The following APBB3 variants were observed in gnomAD, a reference collection of about 807,000 sequenced individuals.
APBB3 encodes the protein amyloid beta precursor protein binding family B member 3, also known as amyloid-beta A4 precursor protein-binding family B member 3.
Under a neutral mutation model 61.5 loss-of-function variants are expected in APBB3, and 50 were observed. The ratio of observed to expected loss-of-function variants is 0.81; its 90% CI spans 0.65 to 1.03. APBB3 has a LOEUF of 1.03. Among genes scored for constraint, APBB3 ranks in the 50% least tolerant of loss-of-function variants. The pLI is 0.00. For missense variants in APBB3, 550 were observed against 637.4 expected, an observed-to-expected ratio of 0.86 and a Z score of 1.48; for synonymous variants, 235 against 233.0, an observed-to-expected ratio of 1.01 and a Z score of -0.08.
rs368213260 is a variant in APBB3, at chr5:140,564,283, A to ACT, written c.-40_-39dup. 1.2e-6 allele frequency: 2 copies of ACT among 1,602,390 alleles called. No homozygotes were observed. Among genetic ancestry groups the ACT allele is most frequent in the African/African-American group, 2.7e-5 (2 of 74,710 alleles). Reference sequence around the variant, plus strand: ...TCCCCGCCAGCCTCTGCCGGCCCGCACTCTCAGCCCAGCGCGACCTCTGGA... The same window carrying ACT: ...TCCCCGCCAGCCTCTGCCGGCCCGCACTCTCTCAGCCCAGCGCGACCTCTGGA... On this transcript the variant is annotated 5_prime_UTR_variant, in exon 1 of 13. Transcript: ENST00000357560. The surrounding 1 kb of genome is among the most constrained non-coding windows in gnomAD (Gnocchi z 5.0).
At position 140,560,543 on chromosome 5, in the gene APBB3, G is replaced by A. The variant is rs142498279; in HGVS notation, c.1033-39C>T. The A allele has an allele frequency of 1.0e-4, 161 of 1,605,048 alleles. No homozygotes were observed. The highest frequency in any genetic ancestry group is 1.3e-4 in the Non-Finnish European group (155 of 1,173,732). ...GCCTAGTCACTAGAGGGCCAAGCAC[G>A]GGCCAGACCCACTTAACTTTTCCGA... On this transcript the variant is annotated intron_variant, in intron 11 of 12. Transcript: ENST00000357560. This position sits in a 1 kb window ranked among gnomAD's most constrained non-coding sequence, Gnocchi z 5.1.
Position 140,561,061 on chromosome 5 carries a change from G to A in APBB3, c.873C>T (p.Tyr291=), listed in dbSNP as rs202034581. The A allele has an allele frequency of 1.2e-5, 20 of 1,613,900 alleles. No homozygotes were observed. The highest frequency in any genetic ancestry group is 8.0e-5 in the African/African-American group (6 of 75,024). Residue 291 remains tyrosine (Y), a synonymous_variant, in exon 10 of 13, where the codon TAC becomes TAT. Coordinates refer to ENST00000357560, the MANE Select transcript of APBB3 (RefSeq NM_133173.3). ...GCAGTGTCCCCATATACAGTGCCTC[G>A]TACTTCTGAGCAGCTTGGCTTACCG... ...LDAVSQAAQK[Y]EALYMGTLPV... is the part of the protein sequence containing the mutation.
chr5:140,558,394 T>C lies in APBB3; in HGVS notation c.*191A>G, dbSNP rs1290364549. The C allele has an allele frequency of 1.4e-6, 1 of 711,164 alleles. No homozygotes were observed. Among genetic ancestry groups the C allele is most frequent in the Non-Finnish European group, 2.5e-6 (1 of 401,414 alleles). 44.1% of individuals were successfully genotyped at this position (711,164 alleles called of 1,614,324 possible). On this transcript the variant is annotated 3_prime_UTR_variant, in exon 13 of 13. Coordinates refer to ENST00000357560, the MANE Select transcript of APBB3 (RefSeq NM_133173.3). ...CCCAAGGAAAGGGGAGCCAGGGTCC[T>C]ACGTTGTGGTGCAGTGCCTCCCAGT...
At chr5:140,561,238 T>A (rs1754940515) in intron 9 of APBB3, 127 bp downstream of exon 9, 12 of 1,451,796 alleles carry the variant, frequency 8.3e-6, no homozygotes, top group Non-Finnish European at 1.2e-5. Flanking sequence ...AACTAGTGGC[T>A]TGGGATCCCT....
In APBB3 at chr5:140,564,351, C is replaced by CG. The variant is rs1326106992; in HGVS notation, c.-107dup. On this transcript the variant is annotated 5_prime_UTR_variant, in exon 1 of 13. Transcript: ENST00000357560. This position sits in a 1 kb window ranked among gnomAD's most constrained non-coding sequence, Gnocchi z 5.0. ...CCCAGCCTCTCTGCGCCGCAGGCTG[C>CG]GGGGCCAGCTGGCGCCGCACAAATA... 1 of 1,377,942 alleles carries CG rather than the reference C, an allele frequency of 7.3e-7. No homozygotes were observed. Among genetic ancestry groups the CG allele is most frequent in the African/African-American group, 1.4e-5 (1 of 69,596 alleles). 85.4% of individuals were successfully genotyped at this position (1,377,942 alleles called of 1,614,324 possible).
rs370972633 is a variant in APBB3 at position 140,564,143 on chromosome 5, T to C, written c.49+54A>G. On this transcript the variant is annotated intron_variant, in intron 1 of 12. Coordinates refer to ENST00000357560, the MANE Select transcript of APBB3 (RefSeq NM_133173.3). This position sits in a 1 kb window ranked among gnomAD's most constrained non-coding sequence, Gnocchi z 5.0. Reference sequence around the variant, plus strand: ...TTGAGCCCCAGAGTAGCCTTTCGGATTCCCTCGTCCTCCCTCAGCTCCTGG... The same window carrying C: ...TTGAGCCCCAGAGTAGCCTTTCGGACTCCCTCGTCCTCCCTCAGCTCCTGG... 48 of 1,611,686 alleles carry C rather than the reference T, an allele frequency of 3.0e-5. No individual in the cohort carries two copies. The Admixed American group carries it at 5.2e-4, about 17-fold the overall frequency.
rs1240396726 is a variant in APBB3 at position 140,564,269 on chromosome 5, C to T, written c.-24G>A. On this transcript the variant is annotated 5_prime_UTR_variant, in exon 1 of 13. Coordinates refer to ENST00000357560, the MANE Select transcript of APBB3 (RefSeq NM_133173.3). The surrounding 1 kb of genome is among the most constrained non-coding windows in gnomAD (Gnocchi z 5.0). ...ATAACCCCGGCTGCTCCCCGCCAGCCTCTGCCGGCCCGCACTCTCAGCCCA... is the reference window on the plus strand; with the variant it reads ...ATAACCCCGGCTGCTCCCCGCCAGCTTCTGCCGGCCCGCACTCTCAGCCCA... 12 of 1,605,946 alleles carry T rather than the reference C, an allele frequency of 7.5e-6. No individual in the cohort carries two copies. Among genetic ancestry groups the T allele is most frequent in the African/African-American group, 2.7e-5 (2 of 74,942 alleles).
chr5:140,563,390 T>A (rs1424595618), intron 3 of APBB3: 2 of 651,776 alleles, frequency 3.1e-6, no homozygotes, highest in South Asian at 3.5e-5. Flanking sequence ...ATGAAAAACA[T>A]GTAGCTACAA....
At position 140,561,843 on chromosome 5, in the gene APBB3, C is replaced by A. The variant is rs770870465; in HGVS notation, c.632+1G>T. 1.2e-6 allele frequency: 2 copies of A among 1,613,720 alleles called. No homozygotes were observed. The highest frequency in any genetic ancestry group is 1.7e-6 in the Non-Finnish European group (2 of 1,179,990). On this transcript the variant is annotated splice_donor_variant, in intron 7 of 12. Coordinates refer to ENST00000357560, the MANE Select transcript of APBB3 (RefSeq NM_133173.3). LOFTEE classifies it high-confidence loss of function. ...GCTCAGGATACCTGGTTTTCACTCA[C>A]CTGTCACTGTTCCGGAAGCATGTGG...
chr5:140,562,976 G>T (rs971948596), intron 3 of APBB3: 2 of 499,608 alleles, frequency 4.0e-6, no homozygotes, highest in African/African-American at 3.9e-5. Context: ...AGGTGCAGTG[G>T]TGGCTCACGC....
chr5:140,564,555 C>T lies in APBB3; in HGVS notation c.-310G>A. On this transcript the variant is annotated 5_prime_UTR_variant, in exon 1 of 13. It removes the in-frame stop codon of an upstream open reading frame in the 5' UTR. Coordinates refer to ENST00000357560, the MANE Select transcript of APBB3 (RefSeq NM_133173.3). This position sits in a 1 kb window ranked among gnomAD's most constrained non-coding sequence, Gnocchi z 5.0. ...CGAAACCGCTGACACCACCGCCCAA[C>T]TATGAACTCATCAGGCGCCTGAAGA... 1.8e-6 allele frequency: 1 copy of T among 542,180 alleles called. No homozygotes were observed. Among genetic ancestry groups the T allele is most frequent in the Non-Finnish European group, 3.3e-6 (1 of 306,830 alleles). 33.6% of individuals were successfully genotyped at this position (542,180 alleles called of 1,614,324 possible).
In APBB3 at chr5:140,563,649, G is replaced by GTCCCCAGA; in HGVS notation, c.227_234dup (p.Leu79SerfsTer52). ...AAGGATCTCCCTTTGGGGGGCCGCA[G>GTCCCCAGA]TCCCCAGATCCCCTCCGTTCCCTGT... On this transcript the variant is annotated frameshift_variant, in exon 3 of 13. Transcript: ENST00000357560. LOFTEE classifies it high-confidence loss of function. 1 of 1,614,202 alleles carries GTCCCCAGA rather than the reference G, an allele frequency of 6.2e-7. No homozygotes were observed. The highest frequency in any genetic ancestry group is 8.5e-7 in the Non-Finnish European group (1 of 1,180,036).
chr5:140,558,843 G>A, intron 12 of APBB3, 22 bp from the exon 13 acceptor site: 8 of 1,605,106 alleles, frequency 5.0e-6, no homozygotes, highest in Non-Finnish European at 6.8e-6. Context: ...GGGAATGTGA[G>A]GATCCAGCTA....
In APBB3 at chr5:140,564,574, C is replaced by G. The variant is rs1755130361; in HGVS notation, c.-329G>C. The stretch of plus-strand genomic sequence containing the variant: ...GCCCAACTATGAACTCATCAGGCGC[C>G]TGAAGACCGACACGCCGAACATGCG... On this transcript the variant is annotated 5_prime_UTR_variant, in exon 1 of 13. Coordinates refer to ENST00000357560, the MANE Select transcript of APBB3 (RefSeq NM_133173.3). This position sits in a 1 kb window ranked among gnomAD's most constrained non-coding sequence, Gnocchi z 5.0. 2.1e-6 allele frequency: 1 copy of G among 485,400 alleles called. No homozygotes were observed. 30.1% of individuals were successfully genotyped at this position (485,400 alleles called of 1,614,324 possible).
chr5:140,561,470 C>T (rs761674614), intron 8 of APBB3, 21 bp from the exon 9 acceptor site: 3 of 1,614,020 alleles, frequency 1.9e-6, no homozygotes, highest in South Asian at 1.1e-5. Context: ...ATGAAGCCAG[C>T]ATGACCCACA....
In APBB3 at chr5:140,564,140, G is replaced by T; in HGVS notation, c.49+57C>A. On this transcript the variant is annotated intron_variant, in intron 1 of 12. Coordinates refer to ENST00000357560, the MANE Select transcript of APBB3 (RefSeq NM_133173.3). The surrounding 1 kb of genome is among the most constrained non-coding windows in gnomAD (Gnocchi z 5.0). ...TCTTTGAGCCCCAGAGTAGCCTTTC[G>T]GATTCCCTCGTCCTCCCTCAGCTCC... 6.2e-7 allele frequency: 1 copy of T among 1,610,544 alleles called. No homozygotes were observed. Among genetic ancestry groups the T allele is most frequent in the Non-Finnish European group, 8.5e-7 (1 of 1,177,620 alleles).
rs1437440412 is a variant in APBB3 at position 140,558,590 on chromosome 5, G to A, written c.1456C>T (p.Pro486Ser). Reference sequence around the variant, plus strand: ...CCCAGCCTTCCCAGATAAGTTTAGGGCATATGGAGCAGAGAGGGTTTCAGC... The same window carrying A: ...CCCAGCCTTCCCAGATAAGTTTAGGACATATGGAGCAGAGAGGGTTTCAGC... ...FRLKPSLLHM[P>S] The change falls in exon 13 of 13, where the codon CCC becomes TCC. Residue 486 changes from proline to serine, a missense_variant. Physicochemically the swap from Pro to Ser is moderately conservative, Grantham distance 74. Transcript: ENST00000357560. 2 of 1,614,166 alleles carry A rather than the reference G, an allele frequency of 1.2e-6. No individual in the cohort carries two copies. The highest frequency in any genetic ancestry group is 1.7e-5 in the Admixed American group (1 of 60,022).
At chr5:140,563,937 G>A (rs1317795303) in intron 1 of APBB3, 22 bp from the exon 2 acceptor site, 2 of 1,610,552 alleles carry the variant, frequency 1.2e-6, no homozygotes, top group Middle Eastern at 1.7e-4. Flanking sequence ...CCGGATTAGA[G>A]AGGAGGGAGC....
Position 140,561,719 on chromosome 5 carries a change from G to A in APBB3, c.633-18C>T, listed in dbSNP as rs1350171912. The A allele has an allele frequency of 6.8e-6, 11 of 1,614,078 alleles. No individual in the cohort carries two copies. Among genetic ancestry groups the A allele is most frequent in the African/African-American group, 2.7e-5 (2 of 74,934 alleles). On this transcript the variant is annotated intron_variant, in intron 7 of 12. Coordinates refer to ENST00000357560, the MANE Select transcript of APBB3 (RefSeq NM_133173.3). ...CGAAGTCCCTAGCAGGGGCAGAGAT[G>A]GGGCTGGGGTAGAAGCTGGTTAGAG...
Sources: allele counts gnomAD v4.1 joint callset, GRCh38; gene constraint gnomAD v4.1.1; non-coding constraint Gnocchi (gnomAD v3.1); transcripts MANE v1.5; gene names NCBI Gene and HGNC (gene_info 2026-07-23, HGNC 2026-07-21).